Variants in PCDH15 observed in about 807,000 individuals in gnomAD.
The protein encoded by PCDH15 is protocadherin-15.
A neutral mutation model predicts 178.5 loss-of-function variants in PCDH15; 129 were observed. That is an observed-to-expected ratio of 0.72 (90% confidence interval 0.63 to 0.84). The LOEUF is 0.84. Ranked by LOEUF, PCDH15 falls within the 40% of genes least tolerant of loss-of-function variation. PCDH15 has a pLI of 0.00. For synonymous variants in PCDH15, 800 were observed against 732.0 expected, an observed-to-expected ratio of 1.09 and a Z score of -1.50; for missense variants, 2,230 against 2,099.9, an observed-to-expected ratio of 1.06 and a Z score of -1.21.
At chr10:54,436,098 G>T (rs1182005962) in intron 3 of PCDH15, among the ~76,000 whole-genome samples, 9 of 144,232 alleles carry the variant, frequency 6.2e-5, no homozygotes, top group African/African-American at 2.1e-4. Flanking sequence ...AAGGAGGGAA[G>T]GAGGGAAGGA....
intron 9 of PCDH15, among the ~76,000 whole-genome samples, chr10:54,218,918 A>G (rs1015481072): frequency 6.6e-5 from 10 of 152,100 alleles, no homozygotes; most frequent in African/African-American, 2.4e-4. Flanking sequence ...AATCACAAGA[A>G]AACAATTTAA....
chr10:55,511,180 T>C (rs919156323), intron 2 of PCDH15, among the ~76,000 whole-genome samples: 1 of 151,864 alleles, frequency 6.6e-6, no homozygotes, highest in African/African-American at 2.4e-5. Context: ...TTATTTTATA[T>C]GTTAAAGAAA....
intron 25 of PCDH15, among the ~76,000 whole-genome samples, chr10:53,927,454 A>G (rs1311404928): frequency 6.6e-6 from 1 of 152,180 alleles, no homozygotes; most frequent in Non-Finnish European, 1.5e-5. Flanking sequence ...GAATTATAAA[A>G]TTATACTGTT....
rs557879646 is a variant in PCDH15 at position 55,625,130 on chromosome 10, AT to A, written c.-156+2494del. ...TCTAACCAAAGCCATCAGTACACTG[AT>A]TTTTTTTTAACTTAAGATTTTAATA... On this transcript the variant is annotated intron_variant, in intron 2 of 5. Transcript: ENST00000613346. 5.3e-5 allele frequency among the ~76,000 whole-genome samples: 8 copies of A among 151,580 alleles called. No individual in the cohort carries two copies. The South Asian group carries it at 6.2e-4, about 12-fold the overall frequency.
At chr10:54,691,920 C>T (rs142319170) in intron 1 of PCDH15, among the ~76,000 whole-genome samples, 1 of 152,192 alleles carries the variant, frequency 6.6e-6, no homozygotes, top group Admixed American at 6.5e-5. Context: ...TGTTCCGCCA[C>T]ATATAAAGTA....
chr10:55,124,771 C>T lies in PCDH15; in HGVS notation c.-80+41805G>A, dbSNP rs532068819. Among the ~76,000 whole-genome samples the T allele has an allele frequency of 7.2e-5, 11 of 152,016 alleles. No individual in the cohort carries two copies. In the South Asian group the frequency reaches 2.1e-3, roughly 29 times the overall value. On this transcript the variant is annotated intron_variant, in intron 2 of 5. Coordinates refer to the PCDH15 transcript ENST00000458638. ...TGCCTTGAAATGCCTAATGCCTAAC[C>T]CAATAAATTGTTGATCAAATTTTAT...
At chr10:53,820,807 A>G (rs2076233650) in intron 32 of PCDH15, among the ~76,000 whole-genome samples, 1 of 152,040 alleles carries the variant, frequency 6.6e-6, no homozygotes, top group Admixed American at 6.6e-5. Context: ...GCTAAGAACT[A>G]TTACTACAAC....
chr10:54,434,031 C>A (rs1390455548), intron 3 of PCDH15, among the ~76,000 whole-genome samples: 4 of 151,822 alleles, frequency 2.6e-5, no homozygotes, highest in Admixed American at 2.6e-4. Flanking sequence ...TCTTGTGTAG[C>A]CCTAGGCTAA....
At chr10:55,297,123 T>C (rs1339384110) in intron 1 of PCDH15, among the ~76,000 whole-genome samples, 2 of 151,610 alleles carry the variant, frequency 1.3e-5, no homozygotes, top group Non-Finnish European at 2.9e-5. Flanking sequence ...GGGGAAAGGA[T>C]GAGTAGCAAA....
intron 24 of PCDH15, among the ~76,000 whole-genome samples, chr10:53,939,493 A>G (rs1200500054): frequency 6.6e-6 from 1 of 152,080 alleles, no homozygotes; most frequent in Non-Finnish European, 1.5e-5. Context: ...AATAAATTTG[A>G]ATGAAAATCA....
chr10:54,548,112 A>C (rs1020215186), intron 2 of PCDH15, among the ~76,000 whole-genome samples: 2 of 147,028 alleles, frequency 1.4e-5, no homozygotes, highest in Non-Finnish European at 3.0e-5. Flanking sequence ...AAAAAAAAAA[A>C]CCAAAAAAAC....
chr10:54,502,738 T>A (rs2080813111), intron 3 of PCDH15, among the ~76,000 whole-genome samples: 2 of 152,092 alleles, frequency 1.3e-5, no homozygotes, highest in African/African-American at 4.8e-5. Flanking sequence ...TGAGGCTTAA[T>A]GCTTTATTGA....
In PCDH15 at chr10:55,448,834, G is replaced by C. The variant is rs1320430530; in HGVS notation, c.-156+178791C>G. ...AAAATTGAAAACAATAAATTCAGTTGCTGATACATTTCTTAATTTTTCATT... is the reference window on the plus strand; with the variant it reads ...AAAATTGAAAACAATAAATTCAGTTCCTGATACATTTCTTAATTTTTCATT... On this transcript the variant is annotated intron_variant, in intron 2 of 5. Coordinates refer to the PCDH15 transcript ENST00000613346. 3.3e-5 allele frequency among the ~76,000 whole-genome samples: 5 copies of C among 152,066 alleles called. No individual in the cohort carries two copies. The South Asian group carries it at 1.0e-3, about 32-fold the overall frequency.
chr10:54,774,852 T>G (rs536331848), intron 1 of PCDH15, among the ~76,000 whole-genome samples: 2 of 152,162 alleles, frequency 1.3e-5, no homozygotes, highest in Non-Finnish European at 2.9e-5. Context: ...TTTTTCATAT[T>G]AGTTTTATTT....
At chr10:55,119,466 G>A (rs1837710627) in intron 2 of PCDH15, among the ~76,000 whole-genome samples, 1 of 151,050 alleles carries the variant, frequency 6.6e-6, no homozygotes, top group Non-Finnish European at 1.5e-5. Context: ...TTGCACTACT[G>A]AGACGAGGAA....
At chr10:54,596,946 C>T (rs1349483051) in intron 2 of PCDH15, among the ~76,000 whole-genome samples, 2 of 152,062 alleles carry the variant, frequency 1.3e-5, no homozygotes, top group African/African-American at 4.8e-5. Context: ...GATTTATAAA[C>T]CAAGTTCTTA....
chr10:54,246,438 C>A (rs1160765577), intron 8 of PCDH15, among the ~76,000 whole-genome samples: 2 of 151,640 alleles, frequency 1.3e-5, no homozygotes, highest in African/African-American at 2.4e-5. Context: ...TTATATATGG[C>A]TTTTTAATCA....
chr10:54,466,870 T>C (rs2077555383), intron 3 of PCDH15, among the ~76,000 whole-genome samples: 1 of 151,964 alleles, frequency 6.6e-6, no homozygotes, highest in African/African-American at 2.4e-5. Flanking sequence ...TGTAGAAGTA[T>C]TTCAGCTCTT....
At chr10:55,070,642 G>A (rs970882628) in intron 2 of PCDH15, among the ~76,000 whole-genome samples, 16 of 152,018 alleles carry the variant, frequency 1.1e-4, no homozygotes, top group Admixed American at 2.0e-4. Context: ...ATCTATATCT[G>A]TTTTGGTACC....
Sources: allele counts gnomAD v4.1 joint callset (sites outside exome capture counted in the v4.1 genomes callset), GRCh38; gene constraint gnomAD v4.1.1; transcripts MANE v1.5; gene names NCBI Gene and HGNC (gene_info 2026-07-23, HGNC 2026-07-21).